Variants in TP53INP1 observed in about 807,000 individuals in gnomAD.
TP53INP1 encodes the protein tumor protein p53 inducible nuclear protein 1.
A neutral mutation model predicts 21.0 loss-of-function variants in TP53INP1; 12 were observed. That is an observed-to-expected ratio of 0.57 (90% CI 0.37 to 0.93). TP53INP1 has a LOEUF of 0.93. Ranked by LOEUF, TP53INP1 falls within the 40% of genes least tolerant of loss-of-function variation. The probability of loss-of-function intolerance (pLI) is 0.01; values close to 1 mark genes in which losing one functional copy is unlikely to be tolerated. For synonymous variants in TP53INP1, 91 were observed against 94.8 expected (o/e 0.96, Z 0.23); for missense variants, 274 against 294.7 (o/e 0.93, Z 0.51).
chr8:94,935,035 A>C (rs1789481750), intron 3 of TP53INP1, among the ~76,000 whole-genome samples: 1 of 152,174 alleles, frequency 6.6e-6, no homozygotes, highest in Non-Finnish European at 1.5e-5. Flanking sequence ...ACTCTGGTAA[A>C]GTTAATAAAT....
chr8:94,932,830 C>T (rs1319873266), intron 3 of TP53INP1, among the ~76,000 whole-genome samples: 1 of 151,942 alleles, frequency 6.6e-6, no homozygotes, highest in Non-Finnish European at 1.5e-5. Flanking sequence ...AATTTCAAAT[C>T]CCAAAATAAG....
chr8:94,939,591 T>G, intron 3 of TP53INP1: 1 of 390,448 alleles, frequency 2.6e-6, no homozygotes, highest in Non-Finnish European at 4.9e-6. Flanking sequence ...ACAGACGGGG[T>G]TTCACCATGT....
intron 3 of TP53INP1, among the ~76,000 whole-genome samples, chr8:94,933,838 G>T (rs1248136326): frequency 2.7e-5 from 4 of 148,482 alleles, no homozygotes; most frequent in East Asian, 2.0e-4. Context: ...ACTTTGTGGG[G>T]GGGGGGGGAG....
At chr8:94,935,426 A>C (rs560634941) in intron 3 of TP53INP1, among the ~76,000 whole-genome samples, 1 of 152,222 alleles carries the variant, frequency 6.6e-6, no homozygotes, top group Non-Finnish European at 1.5e-5. Flanking sequence ...TTTCCTAGCT[A>C]TATTCTCTGG....
chr8:94,940,617 CTG>C (rs1391124088), intron 2 of TP53INP1, among the ~76,000 whole-genome samples: 1 of 152,160 alleles, frequency 6.6e-6, no homozygotes, highest in Non-Finnish European at 1.5e-5. Context: ...TCTAATCAAT[CTG>C]TGAGAGTTGC....
In TP53INP1 at chr8:94,930,304, T is replaced by TA. The variant is rs1476012197; in HGVS notation, c.*174dup. On this transcript the variant is annotated 3_prime_UTR_variant, in exon 4 of 4. Coordinates refer to ENST00000342697, the MANE Select transcript of TP53INP1 (RefSeq NM_033285.4). The stretch of plus-strand genomic sequence containing the variant: ...AAAGTAAATGTTAAAGGCAAGGCAT[T>TA]ATGTGATACACAGCATATAAATCTG... 2.1e-5 allele frequency: 17 copies of TA among 811,264 alleles called. No homozygotes were observed. Among genetic ancestry groups the TA allele is most frequent in the Non-Finnish European group, 3.0e-5 (16 of 527,566 alleles). 50.3% of individuals were successfully genotyped at this position (811,264 alleles called of 1,614,324 possible). A position where few individuals can be genotyped will look rare whatever the true frequency, so the allele number is the denominator to read the frequency against.
Position 94,926,233 on chromosome 8 carries a change from GATGTACAGTA to G in TP53INP1, c.*4236_*4245del, listed in dbSNP as rs1289202828. The G allele has an allele frequency of 6.6e-6, 1 of 152,510 alleles. No individual in the cohort carries two copies. Among genetic ancestry groups the G allele is most frequent in the African/African-American group, 2.4e-5 (1 of 41,386 alleles). 9.4% of individuals were successfully genotyped at this position (152,510 alleles called of 1,614,324 possible). On this transcript the variant is annotated 3_prime_UTR_variant, in exon 4 of 4. Coordinates refer to ENST00000342697, the MANE Select transcript of TP53INP1 (RefSeq NM_033285.4). ...ACAAGCTGCCATTTATGCATAGATT[GATGTACAGTA>G]ACCTAACCAAATGTCCCTTTTGAAT...
At chr8:94,937,870 T>C (rs972002393) in intron 3 of TP53INP1, among the ~76,000 whole-genome samples, 1 of 152,210 alleles carries the variant, frequency 6.6e-6, no homozygotes. Context: ...ATTTTGTACC[T>C]ATGTCACCTT....
chr8:94,942,551 G>A (rs565174343), intron 1 of TP53INP1, among the ~76,000 whole-genome samples: 176 of 152,268 alleles, frequency 1.2e-3, no homozygotes, highest in Non-Finnish European at 2.2e-3. Flanking sequence ...AAAATACTTC[G>A]AATAAAGTCC....
intron 3 of TP53INP1, among the ~76,000 whole-genome samples, chr8:94,938,905 T>C (rs1018569282): frequency 3.3e-5 from 5 of 152,216 alleles, no homozygotes; most frequent in East Asian, 1.9e-4. Flanking sequence ...GGGCTTGAGA[T>C]TGGCATCAGA....
chr8:94,932,437 A>G (rs928293382), intron 3 of TP53INP1, among the ~76,000 whole-genome samples: 5 of 152,222 alleles, frequency 3.3e-5, no homozygotes, highest in African/African-American at 1.2e-4. Flanking sequence ...GAAAACAGAT[A>G]TTTACTACAA....
intron 3 of TP53INP1, among the ~76,000 whole-genome samples, chr8:94,939,310 C>A (rs899969326): frequency 6.6e-6 from 1 of 152,156 alleles, no homozygotes; most frequent in African/African-American, 2.4e-5. Context: ...AGTCTTATTT[C>A]TAATCAGTAG....
chr8:94,939,650 G>T, intron 3 of TP53INP1: 1 of 629,606 alleles, frequency 1.6e-6, no homozygotes, highest in Non-Finnish European at 2.7e-6. Context: ...TGCCTGCCTT[G>T]GCCTCCCAAA....
At chr8:94,936,703 A>G (rs1821009537) in intron 3 of TP53INP1, among the ~76,000 whole-genome samples, 1 of 152,114 alleles carries the variant, frequency 6.6e-6, no homozygotes, top group African/African-American at 2.4e-5. Context: ...TTTGAGGGGT[A>G]TATTAGGACA....
At chr8:94,938,822 TAATC>T (rs1305290735) in intron 3 of TP53INP1, among the ~76,000 whole-genome samples, 2 of 152,204 alleles carry the variant, frequency 1.3e-5, no homozygotes, top group Non-Finnish European at 2.9e-5. Context: ...TCTAGCAAAT[TAATC>T]AAACCCAAGG....
At position 94,940,967 on chromosome 8, in the gene TP53INP1, C is replaced by T; in HGVS notation, c.-26G>A. ...TGTTAAGGCAAGACTGAGAGTTTGG[C>T]TGGATGTCTTTTATAGCTGAGATTT... On this transcript the variant is annotated 5_prime_UTR_variant, in exon 2 of 4. Transcript: ENST00000342697. The T allele has an allele frequency of 6.4e-7, 1 of 1,574,670 alleles. No homozygotes were observed. The highest frequency in any genetic ancestry group is 2.3e-5 in the East Asian group (1 of 44,340).
At chr8:94,945,746 T>G (rs185144958) in intron 1 of TP53INP1, 1 of 152,224 alleles carries the variant, frequency 6.6e-6, no homozygotes, top group Admixed American at 6.5e-5. Flanking sequence ...GAGGACAAAC[T>G]TACAAATACA....
rs1822344833 is a variant in TP53INP1 at position 94,949,351 on chromosome 8, C to T, written c.-348G>A. 1 of 150,986 alleles carries T rather than the reference C, an allele frequency of 6.6e-6. No homozygotes were observed. The highest frequency in any genetic ancestry group is 6.6e-5 in the Admixed American group (1 of 15,154). The allele number at this position is 150,986 out of a possible 1,614,324, so 9.4% of individuals were successfully genotyped here. On this transcript the variant is annotated 5_prime_UTR_variant, in exon 1 of 4. Coordinates refer to ENST00000342697, the MANE Select transcript of TP53INP1 (RefSeq NM_033285.4). ...TGCGCCCAGGCCGGCCAGTCCAAGT[C>T]CTTTTGTTGTTGTGCAGCGCTCGCA...
chr8:94,932,188 A>C, intron 3 of TP53INP1: 3 of 1,466,866 alleles, frequency 2.0e-6, no homozygotes, highest in Non-Finnish European at 2.8e-6. Flanking sequence ...GGACGTGGTC[A>C]ACTTTTATTA....
Sources: allele counts gnomAD v4.1 joint callset (sites outside exome capture counted in the v4.1 genomes callset), GRCh38; gene constraint gnomAD v4.1.1; transcripts MANE v1.5; gene names NCBI Gene and HGNC (gene_info 2026-07-23, HGNC 2026-07-21).